MELK: variants seen among roughly 807,000 people sequenced by gnomAD.
MELK encodes maternal embryonic leucine zipper kinase, also known as pEg3 kinase.
In MELK, 81 loss-of-function variants were observed where a neutral mutation model predicts 85.0. The ratio of observed to expected loss-of-function variants is 0.95; its 90% confidence interval spans 0.80 to 1.15. The LOEUF (loss-of-function observed/expected upper bound fraction) is 1.15, where lower values mean the gene tolerates loss of function less well. MELK is among the 50% of genes most tolerant of loss of function. The pLI is 0.00. For synonymous variants in MELK, 252 were observed against 265.0 expected, an observed-to-expected ratio of 0.95 and a Z score of 0.48; for missense variants, 754 against 777.5, an observed-to-expected ratio of 0.97 and a Z score of 0.36.
chr9:36,674,926 T>C lies in MELK; in HGVS notation c.1767T>C (p.Phe589=), dbSNP rs1250089301. The C allele has an allele frequency of 1.3e-6, 2 of 1,585,110 alleles. No homozygotes were observed. Among genetic ancestry groups the C allele is most frequent in the Admixed American group, 1.7e-5 (1 of 59,924 alleles). ...MSILPKKHVD[F]VQKGYTLKCQ... ...TTCTTCCAAAGAAGCATGTTGACTTTGTACAAAAGGGGTAAGAAGCACATT... is the reference window on the plus strand; with the variant it reads ...TTCTTCCAAAGAAGCATGTTGACTTCGTACAAAAGGGGTAAGAAGCACATT... Residue 589 remains phenylalanine, a synonymous_variant, in exon 17 of 18, where the codon TTT becomes TTC. Transcript: ENST00000298048.
intron 5 of MELK, among the ~76,000 whole-genome samples, chr9:36,596,575 TTTTTTG>T: frequency 2.9e-5 from 3 of 104,814 alleles, no homozygotes; most frequent in African/African-American, 1.9e-4. Context: ...TTTTTTTGTT[TTTTTTG>T]TTTTTTTTGT....
intron 13 of MELK, among the ~76,000 whole-genome samples, chr9:36,662,071 C>G (rs551963245): frequency 1.3e-5 from 2 of 151,526 alleles, no homozygotes; most frequent in East Asian, 1.9e-4. Flanking sequence ...TATTATATAT[C>G]TTTCTTTTTT....
chr9:36,659,835 T>G (rs962808067), intron 13 of MELK, among the ~76,000 whole-genome samples: 2 of 152,256 alleles, frequency 1.3e-5, no homozygotes, highest in Non-Finnish European at 2.9e-5. Flanking sequence ...GTTTTGCTCT[T>G]GTTGCCCAGG....
intron 16 of MELK, among the ~76,000 whole-genome samples, chr9:36,671,430 G>A (rs1354798379): frequency 6.6e-6 from 1 of 152,200 alleles, no homozygotes; most frequent in Non-Finnish European, 1.5e-5. Context: ...GCAACATGGA[G>A]GTGAGGAAGC....
Position 36,663,578 on chromosome 9 carries a change from A to G in MELK, c.1177-1772A>G, listed in dbSNP as rs554897138. Among the ~76,000 whole-genome samples the G allele has an allele frequency of 1.3e-4, 20 of 152,172 alleles. No individual in the cohort carries two copies. The East Asian group carries it at 1.4e-3, about 10-fold the overall frequency. ...CATTTTCTATCATTCCACTCTCTAC[A>G]TCCACGTGTACACCCTTTTTTAGCA... On this transcript the variant is annotated intron_variant, in intron 13 of 17. Coordinates refer to ENST00000298048, the MANE Select transcript of MELK (RefSeq NM_014791.4).
At position 36,607,660 on chromosome 9, in the gene MELK, A is replaced by G. The variant is rs1825689010; in HGVS notation, c.653A>G (p.Tyr218Cys). 6.3e-7 allele frequency: 1 copy of G among 1,599,632 alleles called. No individual in the cohort carries two copies. The highest frequency in any genetic ancestry group is 1.7e-5 in the Admixed American group (1 of 59,978). Residue 218 changes from tyrosine to cysteine, a missense_variant, in exon 8 of 18, where the codon TAC becomes TGC. Transcript: ENST00000298048. ...GATGATGATAATGTAATGGCTTTAT[A>G]CAAGAAGATTATGGTGAGTATTACA... ...PFDDDNVMAL[Y>C]KKIMRGKYDV...
At chr9:36,627,527 T>C (rs566333707) in intron 8 of MELK, among the ~76,000 whole-genome samples, 4,565 of 148,914 alleles carry the variant, frequency 0.031, 216 homozygotes, top group African/African-American at 0.1. Context: ...TCTCTCTCTT[T>C]TTTTTTTTTT....
intron 10 of MELK, among the ~76,000 whole-genome samples, chr9:36,635,631 A>T (rs1351379698): frequency 6.6e-6 from 1 of 152,154 alleles, no homozygotes; most frequent in Non-Finnish European, 1.5e-5. Flanking sequence ...ATGAAAAATA[A>T]TATTATTATA....
chr9:36,644,978 A>G (rs1454200948), intron 11 of MELK, among the ~76,000 whole-genome samples: 1 of 152,110 alleles, frequency 6.6e-6, no homozygotes, highest in Non-Finnish European at 1.5e-5. Context: ...CTTAAAAGTA[A>G]CATACTTAAG....
At chr9:36,593,114 A>G (rs1047111994) in intron 4 of MELK, among the ~76,000 whole-genome samples, 2 of 149,886 alleles carry the variant, frequency 1.3e-5, no homozygotes, top group Non-Finnish European at 3.0e-5. Flanking sequence ...CACTATATCA[A>G]TCTATAGTCT....
At chr9:36,584,655 C>T (rs1046197568) in intron 3 of MELK, among the ~76,000 whole-genome samples, 1 of 151,404 alleles carries the variant, frequency 6.6e-6, no homozygotes, top group Non-Finnish European at 1.5e-5. Flanking sequence ...TCTTATGATA[C>T]TCTTACTAAA....
At chr9:36,670,870 G>A in intron 15 of MELK, 128 bp from the exon 16 acceptor site, 1 of 937,782 alleles carries the variant, frequency 1.1e-6, no homozygotes, top group South Asian at 3.3e-5. Flanking sequence ...GGAAGAGAGA[G>A]GTGATCTGGC....
intron 10 of MELK, among the ~76,000 whole-genome samples, chr9:36,640,322 T>G (rs1213707389): frequency 2.0e-5 from 3 of 152,100 alleles, no homozygotes; most frequent in African/African-American, 7.2e-5. Flanking sequence ...ACCAGCAGAT[T>G]TGGTGTTTGA....
At chr9:36,584,290 C>T (rs1446534568) in intron 3 of MELK, among the ~76,000 whole-genome samples, 2 of 140,418 alleles carry the variant, frequency 1.4e-5, no homozygotes, top group Admixed American at 1.5e-4. Flanking sequence ...CAGTCGTGAG[C>T]CACCGCGCCC....
chr9:36,611,397 C>G (rs905398849), intron 8 of MELK, among the ~76,000 whole-genome samples: 3 of 152,214 alleles, frequency 2.0e-5, no homozygotes, highest in Admixed American at 2.0e-4. Context: ...TTAATCCTCA[C>G]TAAAATGTCT....
intron 16 of MELK, 43 bp from the exon 17 acceptor site, chr9:36,674,791 G>A (rs746916685): frequency 1.7e-6 from 2 of 1,154,962 alleles, no homozygotes; most frequent in Non-Finnish European, 2.6e-6. Flanking sequence ...TCTTTGTGTT[G>A]ATGTAAAAAT....
rs192121563 is a variant in MELK at position 36,606,628 on chromosome 9, T to C, written c.568-947T>C. The stretch of plus-strand genomic sequence containing the variant: ...ATATACATATGTATAGGTGTATATA[T>C]GGACATATATGTATATATGGACACA... On this transcript the variant is annotated intron_variant, in intron 7 of 17. Coordinates refer to ENST00000298048, the MANE Select transcript of MELK (RefSeq NM_014791.4). Among the ~76,000 whole-genome samples the C allele has an allele frequency of 9.0e-3, 1,327 of 147,248 alleles. 24 individuals are homozygous for C. The highest frequency in any genetic ancestry group is 0.029 in the African/African-American group (1,181 of 40,334).
rs138964720 is a variant in MELK at position 36,640,051 on chromosome 9, A to C, written c.835-2946A>C. Among the ~76,000 whole-genome samples, 344 of 152,312 alleles carry C rather than the reference A, an allele frequency of 2.3e-3. 7 individuals carry two copies. The South Asian group carries it at 0.054, about 24-fold the overall frequency. On this transcript the variant is annotated intron_variant, in intron 10 of 17. Coordinates refer to ENST00000298048, the MANE Select transcript of MELK (RefSeq NM_014791.4). The stretch of plus-strand genomic sequence containing the variant: ...AGCAGCACAATGAAAACTTATTCTT[A>C]GCACTTTGGACTTTAACAGTACCAC...
chr9:36,607,165 T>G (rs1372359479), intron 7 of MELK, among the ~76,000 whole-genome samples: 1 of 152,258 alleles, frequency 6.6e-6, no homozygotes, highest in African/African-American at 2.4e-5. Flanking sequence ...TAGTCATACT[T>G]GCTGATTATC....
Sources: allele counts gnomAD v4.1 joint callset (sites outside exome capture counted in the v4.1 genomes callset), GRCh38; gene constraint gnomAD v4.1.1; transcripts MANE v1.5; gene names NCBI Gene and HGNC (gene_info 2026-07-23, HGNC 2026-07-21).